STRN: variants seen among roughly 807,000 people sequenced by gnomAD.
STRN encodes the protein striatin.
In STRN, 53 loss-of-function variants were observed where a neutral mutation model predicts 96.3. The ratio of observed to expected loss-of-function variants is 0.55; its 90% CI spans 0.44 to 0.69. STRN has a LOEUF of 0.69. Among genes scored for constraint, STRN ranks in the 30% least tolerant of loss-of-function variants. The pLI is 0.00. For synonymous variants in STRN, 428 were observed against 355.9 expected, an observed-to-expected ratio of 1.20 and a Z score of -2.28; for missense variants, 987 against 963.9, an observed-to-expected ratio of 1.02 and a Z score of -0.32.
rs892007262 is a variant in STRN, at chr2:36,891,430, G to A, written c.931+2468C>T. On this transcript the variant is annotated intron_variant, in intron 7 of 17. Coordinates refer to ENST00000263918, the MANE Select transcript of STRN (RefSeq NM_003162.4). ...AATCCCAGCTACTCTGGAGGCTGAGGCAGGGAACTGCTTGAATCCAGAAGG... is the reference window on the plus strand; with the variant it reads ...AATCCCAGCTACTCTGGAGGCTGAGACAGGGAACTGCTTGAATCCAGAAGG... 3.3e-5 allele frequency among the ~76,000 whole-genome samples: 5 copies of A among 152,168 alleles called. No individual in the cohort carries two copies. In the East Asian group the frequency reaches 7.7e-4, roughly 23 times the overall value.
chr2:36,926,391 T>G (rs747935290), intron 1 of STRN, among the ~76,000 whole-genome samples: 22 of 152,194 alleles, frequency 1.4e-4, no homozygotes, highest in Non-Finnish European at 2.6e-4. Context: ...TACCACCACG[T>G]CCGTCTATTA....
At chr2:36,863,754 G>C (rs2540926) in intron 12 of STRN, among the ~76,000 whole-genome samples, 1 of 151,986 alleles carries the variant, frequency 6.6e-6, no homozygotes, top group Non-Finnish European at 1.5e-5. Flanking sequence ...TGGGCAGTAC[G>C]GCCATTTTAA....
At chr2:36,935,071 T>C (rs757838123) in intron 1 of STRN, among the ~76,000 whole-genome samples, 1 of 152,042 alleles carries the variant, frequency 6.6e-6, no homozygotes, top group African/African-American at 2.4e-5. Context: ...GAGGGGAGGA[T>C]GGTGGGCAAA....
chr2:36,908,151 T>A (rs1669871168), intron 3 of STRN, among the ~76,000 whole-genome samples: 1 of 152,212 alleles, frequency 6.6e-6, no homozygotes, highest in Non-Finnish European at 1.5e-5. Context: ...TAACCTGTAC[T>A]TGCCAAGTAA....
rs982456500 is a variant in STRN at position 36,841,522 on chromosome 2, C to T, written c.*7934G>A. 2 of 151,878 alleles carry T rather than the reference C, an allele frequency of 1.3e-5. No homozygotes were observed. The highest frequency in any genetic ancestry group is 1.9e-4 in the East Asian group (1 of 5,186). The allele number at this position is 151,878 out of a possible 1,614,324, so 9.4% of individuals were successfully genotyped here. A position where few individuals can be genotyped will look rare whatever the true frequency, so the allele number is the denominator to read the frequency against. ...GGATATTCTGAAATACGTGGGCTAT[C>T]GAAAAAGATGTAAGTACATTTTAAA... On this transcript the variant is annotated 3_prime_UTR_variant, in exon 18 of 18. Coordinates refer to ENST00000263918, the MANE Select transcript of STRN (RefSeq NM_003162.4).
chr2:36,926,547 C>G (rs1335055848), intron 1 of STRN, among the ~76,000 whole-genome samples: 1 of 152,134 alleles, frequency 6.6e-6, no homozygotes, highest in Non-Finnish European at 1.5e-5. Flanking sequence ...AGCAAGTGAG[C>G]CATTAAACTT....
chr2:36,851,207 G>A lies in STRN; in HGVS notation c.1979-100C>T, dbSNP rs1306998892. 2.8e-5 allele frequency: 28 copies of A among 1,017,862 alleles called. No homozygotes were observed. The East Asian group carries it at 3.0e-4, about 11-fold the overall frequency. 63.1% of individuals were successfully genotyped at this position (1,017,862 alleles called of 1,614,324 possible). ...ATCTAAGAGACTGAAAAAGTAGGCC[G>A]GCCGCGGTGGCTCACGCCTGTAATC... On this transcript the variant is annotated intron_variant, in intron 15 of 17. Transcript: ENST00000263918.
intron 12 of STRN, chr2:36,867,327 G>C (rs1041765011): frequency 6.6e-6 from 1 of 151,816 alleles, no homozygotes; most frequent in Non-Finnish European, 1.5e-5. Flanking sequence ...GTCTCCACTG[G>C]ATCATGCCAC....
At chr2:36,897,603 T>A (rs1401311740) in intron 6 of STRN, among the ~76,000 whole-genome samples, 1 of 151,468 alleles carries the variant, frequency 6.6e-6, no homozygotes, top group East Asian at 1.9e-4. Flanking sequence ...ACCCAGCTAA[T>A]TTTTTTTGTA....
chr2:36,926,012 T>C (rs570179685), intron 1 of STRN, among the ~76,000 whole-genome samples: 2 of 152,184 alleles, frequency 1.3e-5, no homozygotes, highest in African/African-American at 4.8e-5. Flanking sequence ...TGCTCCCTTT[T>C]CTCAATCCCC....
chr2:36,916,160 GA>G lies in STRN; in HGVS notation c.339-10del, dbSNP rs1481789698. On this transcript the variant is annotated splice_polypyrimidine_tract_variant and intron_variant, in intron 2 of 17. Coordinates refer to ENST00000263918, the MANE Select transcript of STRN (RefSeq NM_003162.4). Reference sequence around the variant, plus strand: ...ACTTGTGGTATTTGGCTCTAACAAAGAAATGAGAAAATACAGACCATCTTAA... The same window carrying G: ...ACTTGTGGTATTTGGCTCTAACAAAGAATGAGAAAATACAGACCATCTTAA... 1 of 1,607,646 alleles carries G rather than the reference GA, an allele frequency of 6.2e-7. No individual in the cohort carries two copies. Among genetic ancestry groups the G allele is most frequent in the Non-Finnish European group, 8.5e-7 (1 of 1,174,964 alleles).
chr2:36,850,920 G>C (rs1332506497), intron 16 of STRN, 80 bp downstream of exon 16: 1 of 1,144,006 alleles, frequency 8.7e-7, no homozygotes, highest in Non-Finnish European at 1.2e-6. Flanking sequence ...AAACCACCAA[G>C]AGACACCAAA....
At chr2:36,944,153 CAT>C (rs1196229311) in intron 1 of STRN, among the ~76,000 whole-genome samples, 3 of 152,004 alleles carry the variant, frequency 2.0e-5, no homozygotes, top group Admixed American at 2.0e-4. Flanking sequence ...ATACTTAAAA[CAT>C]ATATATACAC....
chr2:36,945,144 C>T (rs1053433047), intron 1 of STRN, among the ~76,000 whole-genome samples: 3 of 151,232 alleles, frequency 2.0e-5, no homozygotes, highest in African/African-American at 7.3e-5. Context: ...AAAAATGGGA[C>T]AATTGGATTT....
chr2:36,940,913 G>A (rs1358280316), intron 1 of STRN, among the ~76,000 whole-genome samples: 1 of 151,894 alleles, frequency 6.6e-6, no homozygotes, highest in Non-Finnish European at 1.5e-5. Context: ...AGCACTTTGG[G>A]AGGCCAAGGC....
Position 36,899,613 on chromosome 2 carries a change from T to C in STRN, c.705A>G (p.Lys235=). 6.2e-7 allele frequency: 1 copy of C among 1,613,776 alleles called. No homozygotes were observed. Residue 235 remains lysine, a synonymous_variant, in exon 6 of 18, where the codon AAA becomes AAG. Transcript: ENST00000263918. ...AATCTGCAGCTGCACTTTCAAGGAA[T>C]TTGAAATTATCCAGCACGGAGGCAG... ...TDSASVLDNF[K]FLESAAADFS... is the part of the protein sequence containing the mutation.
Position 36,850,850 on chromosome 2 carries a change from G to A in STRN, c.2086+150C>T, listed in dbSNP as rs1034462311. ...AGACTAGTCTTAGCAGATTTGGATA[G>A]AGTGAAGAGAAACTGAGACGGGAGA... On this transcript the variant is annotated intron_variant, in intron 16 of 17. Transcript: ENST00000263918. 12 of 559,566 alleles carry A rather than the reference G, an allele frequency of 2.1e-5. No individual in the cohort carries two copies. The African/African-American group carries it at 2.3e-4, about 11-fold the overall frequency. 34.7% of individuals were successfully genotyped at this position (559,566 alleles called of 1,614,324 possible).
intron 1 of STRN, among the ~76,000 whole-genome samples, chr2:36,925,585 T>G (rs1350993962): frequency 6.6e-6 from 1 of 152,112 alleles, no homozygotes; most frequent in Non-Finnish European, 1.5e-5. Context: ...AAGACCAGCC[T>G]GGCCAACATG....
At chr2:36,857,415 C>T (rs1225975421) in intron 14 of STRN, among the ~76,000 whole-genome samples, 1 of 151,990 alleles carries the variant, frequency 6.6e-6, no homozygotes, top group Non-Finnish European at 1.5e-5. Context: ...TGGCTCATGC[C>T]TGTAATCCCA....
Sources: gnomAD v4.1 joint callset for allele counts (sites outside exome capture counted in the v4.1 genomes callset) on GRCh38, gnomAD v4.1.1 for gene constraint, MANE v1.5 for transcripts, NCBI Gene and HGNC (gene_info 2026-07-23, HGNC 2026-07-21) for gene names.